Variants in VNN1 observed in about 807,000 individuals in gnomAD.
The protein encoded by VNN1 is pantetheinase.
In VNN1, 29 loss-of-function variants were observed where a neutral mutation model predicts 41.9. The ratio of observed to expected loss-of-function variants is 0.69; its 90% confidence interval spans 0.52 to 0.94. VNN1 has a LOEUF of 0.94. Among genes scored for constraint, VNN1 ranks in the 40% least tolerant of loss-of-function variants. The probability of loss-of-function intolerance (pLI) is 0.00; values close to 1 mark genes in which losing one functional copy is unlikely to be tolerated. For synonymous variants in VNN1, 233 were observed against 224.4 expected (o/e 1.04, Z -0.34); for missense variants, 637 against 621.1 (o/e 1.03, Z -0.27).
intron 2 of VNN1, among the ~76,000 whole-genome samples, chr6:132,695,364 A>T (rs938618975): frequency 6.6e-6 from 1 of 152,208 alleles, no homozygotes; most frequent in African/African-American, 2.4e-5. Flanking sequence ...TTTAGCTCTT[A>T]GCTCAATAGT....
chr6:132,692,273 G>A lies in VNN1; in HGVS notation c.1138C>T (p.Leu380=). The change falls in exon 5 of 7, where the codon CTA becomes TTA. Residue 380 remains leucine, a synonymous_variant. Coordinates refer to ENST00000367928, the MANE Select transcript of VNN1 (RefSeq NM_004666.3). The part of the protein sequence containing the change: ...SENIPNEVYA[L]GAFDGLHTVE... ...GTGTGCAGTCCGTCAAATGCCCCTA[G>A]AGCGTACACTTCATTTGGTATGTTC... The A allele has an allele frequency of 6.2e-7, 1 of 1,613,440 alleles. No homozygotes were observed. The highest frequency in any genetic ancestry group is 2.2e-5 in the East Asian group (1 of 44,880).
At chr6:132,703,952 A>G (rs1399739768) in intron 2 of VNN1, among the ~76,000 whole-genome samples, 2 of 152,168 alleles carry the variant, frequency 1.3e-5, no homozygotes, top group Non-Finnish European at 2.9e-5. Flanking sequence ...AAACCATAAA[A>G]GGAGACAAAG....
rs188266430 is a variant in VNN1 at position 132,690,905 on chromosome 6, G to A, written c.1188+1318C>T. Among the ~76,000 whole-genome samples, 3 of 152,332 alleles carry A rather than the reference G, an allele frequency of 2.0e-5. No homozygotes were observed. In the East Asian group the frequency reaches 5.8e-4, roughly 29 times the overall value. On this transcript the variant is annotated intron_variant, in intron 5 of 6. Coordinates refer to ENST00000367928, the MANE Select transcript of VNN1 (RefSeq NM_004666.3). ...AAAGGATGTACTTAACTCATCTGGAGAGGTAGGAGTAGCTCTGTGGGAAAT... is the reference window on the plus strand; with the variant it reads ...AAAGGATGTACTTAACTCATCTGGAAAGGTAGGAGTAGCTCTGTGGGAAAT...
In VNN1 at chr6:132,683,171, A is replaced by G. The variant is rs372332750; in HGVS notation, c.1511T>C (p.Ile504Thr). 1 of 1,613,508 alleles carries G rather than the reference A, an allele frequency of 6.2e-7. No individual in the cohort carries two copies. Residue 504 changes from isoleucine to threonine, a missense_variant, in exon 7 of 7, where the codon ATA becomes ACA. By Grantham distance (89) the Ile-to-Thr change is moderately conservative. Coordinates refer to ENST00000367928, the MANE Select transcript of VNN1 (RefSeq NM_004666.3). ...ACTTAATGAGCATACAATAGGTGCT[A>G]TAACTATTAGCATTATTATTCTTGC... ...AQARIIMLIV[I>T]APIVCSLSW
intron 2 of VNN1, among the ~76,000 whole-genome samples, chr6:132,706,910 G>A (rs925575578): frequency 7.5e-6 from 1 of 132,694 alleles, no homozygotes. Flanking sequence ...GTGAAAAGTT[G>A]CTCAACATCA....
At chr6:132,689,282 C>CACATACAA (rs879705031) in intron 5 of VNN1, among the ~76,000 whole-genome samples, 2 of 152,088 alleles carry the variant, frequency 1.3e-5, no homozygotes, top group African/African-American at 4.8e-5. Flanking sequence ...CACACACACA[C>CACATACAA]ACATACACAC....
intron 2 of VNN1, among the ~76,000 whole-genome samples, chr6:132,703,760 C>A (rs1215060931): frequency 6.6e-6 from 1 of 151,720 alleles, no homozygotes; most frequent in South Asian, 2.1e-4. Context: ...CATAGAGTGG[C>A]TAAATGGATA....
chr6:132,704,442 C>A (rs1304411196), intron 2 of VNN1, among the ~76,000 whole-genome samples: 1 of 152,026 alleles, frequency 6.6e-6, no homozygotes, highest in Non-Finnish European at 1.5e-5. Context: ...AGAATTTAAA[C>A]AATGTGCTCC....
At position 132,693,245 on chromosome 6, in the gene VNN1, G is replaced by C. The variant is rs764330130; in HGVS notation, c.605C>G (p.Thr202Ser). The C allele has an allele frequency of 3.7e-6, 6 of 1,613,916 alleles. No homozygotes were observed. The highest frequency in any genetic ancestry group is 4.2e-6 in the Non-Finnish European group (5 of 1,179,954). ...KEPEIVTFNTTFGSFGIFTCF... is the reference protein window; with the variant it reads ...KEPEIVTFNTSFGSFGIFTCF... ...TGTGAAAATGCCAAAACTTCCAAAG[G>C]TGGTATTGAAAGTCACAATCTCAGG... The change falls in exon 4 of 7, where the codon ACC becomes AGC. Residue 202 changes from threonine to serine, a missense_variant. Thr to Ser is a moderately conservative substitution (Grantham distance 58). Transcript: ENST00000367928.
chr6:132,682,907 T>G lies in VNN1; in HGVS notation c.*233A>C. On this transcript the variant is annotated 3_prime_UTR_variant, in exon 7 of 7. Coordinates refer to ENST00000367928, the MANE Select transcript of VNN1 (RefSeq NM_004666.3). ...AAAGATTTGTGATACTTATTTGATA[T>G]AATTAGCTCACGTCCAAGAAAGACC... The G allele has an allele frequency of 3.4e-6, 1 of 291,008 alleles. No individual in the cohort carries two copies. The highest frequency in any genetic ancestry group is 1.3e-4 in the South Asian group (1 of 7,662). 18.0% of individuals were successfully genotyped at this position (291,008 alleles called of 1,614,324 possible).
intron 6 of VNN1, 111 bp downstream of exon 6, chr6:132,684,224 A>T: frequency 8.6e-7 from 1 of 1,164,140 alleles, no homozygotes; most frequent in Non-Finnish European, 1.2e-6. Flanking sequence ...GGATAATCTT[A>T]ACCTTTCTAA....
rs765866861 is a variant in VNN1, at chr6:132,681,434, C to G, written c.*1706G>C. Among the ~76,000 whole-genome samples, 1 of 152,168 alleles carries G rather than the reference C, an allele frequency of 6.6e-6. No homozygotes were observed. Among genetic ancestry groups the G allele is most frequent in the East Asian group, 1.9e-4 (1 of 5,200 alleles). On this transcript the variant is annotated 3_prime_UTR_variant, in exon 7 of 7. Coordinates refer to ENST00000367928, the MANE Select transcript of VNN1 (RefSeq NM_004666.3). ...ACTTTCCAAAGGCCCTGATCCAGAA[C>G]AACTCCACTAAGCCAGTCCCAGATC...
intron 2 of VNN1, among the ~76,000 whole-genome samples, chr6:132,695,779 G>T (rs1169741543): frequency 6.6e-6 from 1 of 152,094 alleles, no homozygotes; most frequent in African/African-American, 2.4e-5. Flanking sequence ...CTCATAAAAG[G>T]TCTAAGAAGA....
intron 2 of VNN1, among the ~76,000 whole-genome samples, chr6:132,701,879 T>C (rs555770427): frequency 3.3e-5 from 5 of 152,328 alleles, no homozygotes; most frequent in South Asian, 2.1e-4. Context: ...GGACTTTACA[T>C]TGGAAGTCAG....
At chr6:132,701,830 A>T (rs1303531619) in intron 2 of VNN1, among the ~76,000 whole-genome samples, 1 of 152,180 alleles carries the variant, frequency 6.6e-6, no homozygotes, top group Non-Finnish European at 1.5e-5. Context: ...GTGGAGAGAA[A>T]ATTTGTGCCC....
intron 2 of VNN1, among the ~76,000 whole-genome samples, chr6:132,705,568 C>T (rs1778507574): frequency 1.3e-5 from 2 of 152,128 alleles, no homozygotes; most frequent in African/African-American, 4.8e-5. Context: ...TGGTATCATA[C>T]TGAATGAGGG....
In VNN1 at chr6:132,694,194, T is replaced by C. The variant is rs745745785; in HGVS notation, c.342-12A>G. On this transcript the variant is annotated splice_polypyrimidine_tract_variant and intron_variant, in intron 2 of 6. Transcript: ENST00000367928. ...GGGTCTGGCCAAATCTGATACATGTTTATTGGAGGAAAAAAATCTTTGTAA... is the reference window on the plus strand; with the variant it reads ...GGGTCTGGCCAAATCTGATACATGTCTATTGGAGGAAAAAAATCTTTGTAA... 19 of 1,554,168 alleles carry C rather than the reference T, an allele frequency of 1.2e-5. No individual in the cohort carries two copies. The highest frequency in any genetic ancestry group is 1.6e-5 in the Non-Finnish European group (18 of 1,152,266).
chr6:132,711,693 C>A lies in VNN1; in HGVS notation c.341+16G>T. On this transcript the variant is annotated intron_variant, in intron 2 of 6. Coordinates refer to ENST00000367928, the MANE Select transcript of VNN1 (RefSeq NM_004666.3). ...TTGATGTTTACTAGTGAATTTTTCACAAGTTGTTTCTTTACCTGTTACGAT... is the reference window on the plus strand; with the variant it reads ...TTGATGTTTACTAGTGAATTTTTCAAAAGTTGTTTCTTTACCTGTTACGAT... The A allele has an allele frequency of 6.2e-7, 1 of 1,601,690 alleles. No homozygotes were observed. The highest frequency in any genetic ancestry group is 8.5e-7 in the Non-Finnish European group (1 of 1,176,348).
At chr6:132,686,420 C>T (rs1478780226) in intron 5 of VNN1, among the ~76,000 whole-genome samples, 1 of 152,126 alleles carries the variant, frequency 6.6e-6, no homozygotes, top group Non-Finnish European at 1.5e-5. Context: ...TGCACTCCAG[C>T]CTTGGCAACA....
Sources: gnomAD v4.1 joint callset for allele counts (sites outside exome capture counted in the v4.1 genomes callset) on GRCh38, gnomAD v4.1.1 for gene constraint, MANE v1.5 for transcripts, NCBI Gene and HGNC (gene_info 2026-07-23, HGNC 2026-07-21) for gene names.